PTPRM: variants seen among roughly 807,000 people sequenced by gnomAD.
PTPRM encodes protein tyrosine phosphatase receptor type M.
In PTPRM, 47 loss-of-function variants were observed where a neutral mutation model predicts 186.7. The ratio of observed to expected loss-of-function variants is 0.25; its 90% CI spans 0.20 to 0.32. PTPRM has a LOEUF of 0.32. Among genes scored for constraint, PTPRM ranks in the 10% least tolerant of loss-of-function variants. PTPRM has a pLI of 1.00. For missense variants in PTPRM, 1,494 were observed against 1,865.0 expected, an observed-to-expected ratio of 0.80 and a Z score of 3.66; for synonymous variants, 668 against 674.9, an observed-to-expected ratio of 0.99 and a Z score of 0.16.
intron 1 of PTPRM, among the ~76,000 whole-genome samples, chr18:7,621,638 C>T (rs1472930728): frequency 6.6e-6 from 1 of 152,204 alleles, no homozygotes; most frequent in Non-Finnish European, 1.5e-5. Flanking sequence ...TCACCTGATT[C>T]CAACCCCTGA....
At chr18:8,147,150 A>G (rs1035199512) in intron 14 of PTPRM, among the ~76,000 whole-genome samples, 2 of 152,170 alleles carry the variant, frequency 1.3e-5, no homozygotes, top group African/African-American at 4.8e-5. Context: ...TTGGTTCCAT[A>G]TGAAGTTAAA....
intron 2 of PTPRM, among the ~76,000 whole-genome samples, chr18:7,834,222 T>C (rs1337347537): frequency 6.6e-6 from 1 of 152,012 alleles, no homozygotes; most frequent in Non-Finnish European, 1.5e-5. Flanking sequence ...GTTGATATGA[T>C]GTATCACATC....
intron 5 of PTPRM, among the ~76,000 whole-genome samples, chr18:7,928,253 G>A (rs1022092815): frequency 6.6e-6 from 1 of 152,150 alleles, no homozygotes; most frequent in African/African-American, 2.4e-5. Flanking sequence ...TGGCCAGGAA[G>A]TGTATGCAGA....
chr18:7,664,178 C>T (rs1431345888), intron 1 of PTPRM, among the ~76,000 whole-genome samples: 1 of 152,190 alleles, frequency 6.6e-6, no homozygotes, highest in African/African-American at 2.4e-5. Flanking sequence ...GTACCCAGCC[C>T]TCTTTGTGTC....
intron 7 of PTPRM, among the ~76,000 whole-genome samples, chr18:8,056,696 A>G (rs935380374): frequency 6.6e-6 from 1 of 151,704 alleles, no homozygotes; most frequent in African/African-American, 2.4e-5. Context: ...TTACTTTAAG[A>G]TCTGTCCTTC....
intron 2 of PTPRM, among the ~76,000 whole-genome samples, chr18:7,861,790 G>C (rs1350348252): frequency 6.6e-6 from 1 of 151,818 alleles, no homozygotes; most frequent in East Asian, 1.9e-4. Flanking sequence ...GAGAGAGAGA[G>C]AATCTGCACA....
At chr18:7,929,874 G>T (rs1011676805) in intron 5 of PTPRM, among the ~76,000 whole-genome samples, 10 of 152,098 alleles carry the variant, frequency 6.6e-5, no homozygotes, top group Non-Finnish European at 4.4e-5. Flanking sequence ...ATCTAGAGTT[G>T]TAATACACTA....
intron 7 of PTPRM, among the ~76,000 whole-genome samples, chr18:7,983,355 A>G (rs1461695957): frequency 1.3e-5 from 2 of 152,098 alleles, no homozygotes; most frequent in South Asian, 4.1e-4. Context: ...TATCCCCCCA[A>G]CCTGGTTAGT....
chr18:8,262,307 A>G (rs2094641820), intron 19 of PTPRM, among the ~76,000 whole-genome samples: 1 of 152,190 alleles, frequency 6.6e-6, no homozygotes, highest in Non-Finnish European at 1.5e-5. Flanking sequence ...TTTTCTTTGT[A>G]AGACATGGAT....
chr18:8,395,538 C>T (rs2148606394), intron 32 of PTPRM, among the ~76,000 whole-genome samples: 1 of 152,352 alleles, frequency 6.6e-6, no homozygotes, highest in South Asian at 2.1e-4. Flanking sequence ...ACGTGTCCCA[C>T]TCATCACGAA....
intron 14 of PTPRM, among the ~76,000 whole-genome samples, chr18:8,146,308 A>G (rs1283035115): frequency 1.3e-5 from 2 of 152,046 alleles, no homozygotes; most frequent in African/African-American, 4.8e-5. Context: ...GGCGTGAGCC[A>G]CCGTGCCCAG....
Position 8,339,041 on chromosome 18 carries a change from T to G in PTPRM, c.2957-4382T>G, listed in dbSNP as rs191842436. On this transcript the variant is annotated intron_variant, in intron 22 of 32. Coordinates refer to ENST00000580170, the MANE Select transcript of PTPRM (RefSeq NM_001105244.2). ...TCTAGGGCACCCATCACCTGAATAT[T>G]ATACATTGTTGAAACGATGATTTTT... Among the ~76,000 whole-genome samples the G allele has an allele frequency of 3.6e-3, 543 of 152,302 alleles. 3 individuals are homozygous for G. Among genetic ancestry groups the G allele is most frequent in the African/African-American group, 0.012 (509 of 41,558 alleles).
At chr18:8,092,718 A>C (rs368600144) in intron 11 of PTPRM, among the ~76,000 whole-genome samples, 24 of 152,260 alleles carry the variant, frequency 1.6e-4, no homozygotes, top group African/African-American at 5.5e-4. Flanking sequence ...CTGTCCCAGC[A>C]CTTTGGGAGG....
At chr18:7,745,894 G>A (rs774533063) in intron 1 of PTPRM, among the ~76,000 whole-genome samples, 10 of 152,118 alleles carry the variant, frequency 6.6e-5, no homozygotes, top group South Asian at 2.1e-4. Flanking sequence ...GATTTAAACC[G>A]AGGATTAGGC....
intron 23 of PTPRM, chr18:8,365,073 C>A (rs2095620071): frequency 6.6e-6 from 1 of 152,228 alleles, no homozygotes; most frequent in African/African-American, 2.4e-5. Context: ...GTTCTGCCCC[C>A]AAAAAGGCAG....
chr18:8,350,044 C>A (rs1052712059), intron 23 of PTPRM, among the ~76,000 whole-genome samples: 1 of 152,182 alleles, frequency 6.6e-6, no homozygotes, highest in Admixed American at 6.5e-5. Context: ...CCTGTCGGGG[C>A]AAATCCTCTA....
intron 27 of PTPRM, 110 bp from the exon 28 acceptor site, chr18:8,379,057 G>A: frequency 1.2e-6 from 1 of 840,808 alleles, no homozygotes; most frequent in Non-Finnish European, 1.7e-6. Context: ...GAGGGGGAAG[G>A]GACCGTCTTG....
intron 4 of PTPRM, among the ~76,000 whole-genome samples, chr18:7,914,317 C>A (rs1270725014): frequency 2.0e-5 from 3 of 152,056 alleles, no homozygotes; most frequent in Non-Finnish European, 4.4e-5. Flanking sequence ...TAGTGGCTAC[C>A]TTAGTTTTCT....
intron 1 of PTPRM, among the ~76,000 whole-genome samples, chr18:7,771,619 T>C (rs1024048076): frequency 6.6e-6 from 1 of 152,222 alleles, no homozygotes; most frequent in Admixed American, 6.5e-5. Flanking sequence ...TTGTTAAAAG[T>C]GTTAGAGAAG....
Sources: gnomAD v4.1 joint callset for allele counts (sites outside exome capture counted in the v4.1 genomes callset) on GRCh38, gnomAD v4.1.1 for gene constraint, MANE v1.5 for transcripts, NCBI Gene and HGNC (gene_info 2026-07-23, HGNC 2026-07-21) for gene names.